The following TBC1D5 variants were observed in gnomAD, a reference collection of about 807,000 sequenced individuals.
The protein encoded by TBC1D5 is TBC1 domain family, member 5.
A neutral mutation model predicts 100.3 loss-of-function variants in TBC1D5; 75 were observed. That is an observed-to-expected ratio of 0.75 (90% CI 0.62 to 0.91). TBC1D5 has a LOEUF of 0.91. Among genes scored for constraint, TBC1D5 ranks in the 40% least tolerant of loss-of-function variants. TBC1D5 has a pLI of 0.00. For synonymous variants in TBC1D5, 323 were observed against 325.6 expected, an observed-to-expected ratio of 0.99 and a Z score of 0.09; for missense variants, 910 against 942.4, an observed-to-expected ratio of 0.97 and a Z score of 0.45.
At chr3:17,699,090 C>A (rs1297794830) in intron 1 of TBC1D5, among the ~76,000 whole-genome samples, 18 of 150,488 alleles carry the variant, frequency 1.2e-4, no homozygotes, top group South Asian at 4.2e-4. Flanking sequence ...AGACACATGC[C>A]CACGTATGTT....
chr3:17,636,647 A>T (rs1009510481), intron 1 of TBC1D5, among the ~76,000 whole-genome samples: 44 of 151,906 alleles, frequency 2.9e-4, no homozygotes, highest in Admixed American at 2.5e-3. Context: ...AAATAAAAAA[A>T]AAAATTAGCC....
At chr3:17,178,336 A>G (rs1466140826) in intron 19 of TBC1D5, among the ~76,000 whole-genome samples, 1 of 152,132 alleles carries the variant, frequency 6.6e-6, no homozygotes, top group Non-Finnish European at 1.5e-5. Context: ...AAGTGCTGGG[A>G]TTACAGGCGT....
At chr3:17,458,141 G>C (rs187954847) in intron 3 of TBC1D5, among the ~76,000 whole-genome samples, 1 of 152,276 alleles carries the variant, frequency 6.6e-6, no homozygotes, top group East Asian at 1.9e-4. Context: ...AGTCTTAGGT[G>C]AACACTGTGA....
intron 2 of TBC1D5, among the ~76,000 whole-genome samples, chr3:17,594,260 G>T (rs1318200617): frequency 1.3e-5 from 2 of 152,228 alleles, no homozygotes; most frequent in African/African-American, 2.4e-5. Flanking sequence ...GAAAGGAAGA[G>T]TGTGCATGGA....
chr3:17,420,872 T>G (rs1392345800), intron 4 of TBC1D5, among the ~76,000 whole-genome samples: 1 of 152,150 alleles, frequency 6.6e-6, no homozygotes, highest in East Asian at 1.9e-4. Flanking sequence ...AAGATAAACA[T>G]TTACACAGCC....
chr3:17,671,530 G>T (rs1317849741), intron 1 of TBC1D5, among the ~76,000 whole-genome samples: 1 of 152,132 alleles, frequency 6.6e-6, no homozygotes, highest in African/African-American at 2.4e-5. Flanking sequence ...GAAAAGTTAA[G>T]ACCTATATGA....
At chr3:17,197,655 A>G (rs2070881798) in intron 18 of TBC1D5, among the ~76,000 whole-genome samples, 1 of 152,118 alleles carries the variant, frequency 6.6e-6, no homozygotes, top group Non-Finnish European at 1.5e-5. Flanking sequence ...TACAGGCATG[A>G]GTTACTGTGC....
At chr3:17,732,412 C>T (rs1047145504) in intron 1 of TBC1D5, among the ~76,000 whole-genome samples, 1 of 152,026 alleles carries the variant, frequency 6.6e-6, no homozygotes, top group South Asian at 2.1e-4. Context: ...CATTCAACCA[C>T]TCAGTTACTA....
intron 13 of TBC1D5, among the ~76,000 whole-genome samples, chr3:17,336,266 GC>G (rs1401529429): frequency 2.0e-5 from 3 of 151,980 alleles, no homozygotes; most frequent in Non-Finnish European, 4.4e-5. Flanking sequence ...AAAAAATATG[GC>G]CTAGAAAACA....
chr3:17,477,735 G>A (rs2095455220), intron 3 of TBC1D5, among the ~76,000 whole-genome samples: 1 of 151,926 alleles, frequency 6.6e-6, no homozygotes, highest in Admixed American at 6.5e-5. Context: ...AGAAAGCAAT[G>A]TGTATACACA....
chr3:17,518,143 C>T (rs1248708549), intron 2 of TBC1D5, among the ~76,000 whole-genome samples: 1 of 152,062 alleles, frequency 6.6e-6, no homozygotes, highest in Non-Finnish European at 1.5e-5. Flanking sequence ...GTGATAGGGA[C>T]CGGGGGCAGA....
chr3:17,260,565 A>C (rs1181349521), intron 15 of TBC1D5, among the ~76,000 whole-genome samples: 1 of 152,210 alleles, frequency 6.6e-6, no homozygotes, highest in Non-Finnish European at 1.5e-5. Context: ...AAAAAAAAGA[A>C]TCAAAAGATG....
At chr3:17,264,765 G>A (rs1333249036) in intron 15 of TBC1D5, among the ~76,000 whole-genome samples, 1 of 152,120 alleles carries the variant, frequency 6.6e-6, no homozygotes, top group Non-Finnish European at 1.5e-5. Flanking sequence ...AGGATTAATT[G>A]ACACAATGAG....
chr3:17,737,295 TCTTA>T (rs1287239146), intron 1 of TBC1D5, among the ~76,000 whole-genome samples: 1 of 152,174 alleles, frequency 6.6e-6, no homozygotes, highest in East Asian at 1.9e-4. Flanking sequence ...AACCTTTTTA[TCTTA>T]CTTAGGGACA....
At chr3:17,336,178 G>C (rs1468718678) in intron 13 of TBC1D5, among the ~76,000 whole-genome samples, 1 of 152,028 alleles carries the variant, frequency 6.6e-6, no homozygotes, top group African/African-American at 2.4e-5. Context: ...TAGCTAGTAA[G>C]ATATGGAAAA....
intron 13 of TBC1D5, among the ~76,000 whole-genome samples, chr3:17,317,543 C>T (rs2084847893): frequency 6.6e-6 from 1 of 152,192 alleles, no homozygotes; most frequent in Non-Finnish European, 1.5e-5. Flanking sequence ...TTGGCTCCTC[C>T]ATTTTATCCC....
chr3:17,403,016 G>C (rs1386014451), intron 8 of TBC1D5, among the ~76,000 whole-genome samples, 165 bp downstream of exon 8: 2 of 152,044 alleles, frequency 1.3e-5, no homozygotes, highest in South Asian at 2.1e-4. Context: ...CATTAGAGTA[G>C]AAAACAATCC....
At chr3:17,266,086 A>G (rs1402388969) in intron 15 of TBC1D5, among the ~76,000 whole-genome samples, 4 of 152,154 alleles carry the variant, frequency 2.6e-5, no homozygotes, top group African/African-American at 9.7e-5. Flanking sequence ...AAAGCCTAAG[A>G]TATTTCTATA....
intron 2 of TBC1D5, among the ~76,000 whole-genome samples, chr3:17,607,106 T>C (rs185619662): frequency 5.9e-5 from 9 of 152,278 alleles, no homozygotes; most frequent in Non-Finnish European, 8.8e-5. Flanking sequence ...TAACATCTCA[T>C]AGAATAAAGA....
Sources: gnomAD v4.1 joint callset for allele counts (sites outside exome capture counted in the v4.1 genomes callset) on GRCh38, gnomAD v4.1.1 for gene constraint, MANE v1.5 for transcripts, NCBI Gene and HGNC (gene_info 2026-07-23, HGNC 2026-07-21) for gene names.